The following CFAP97D2 variants were observed in gnomAD, a reference collection of about 807,000 sequenced individuals.
CFAP97D2 encodes the protein uncharacterized protein CFAP97D2.
rs562111022 is a variant in CFAP97D2 at position 114,207,644 on chromosome 13, C to T, written c.291-4268C>T. On this transcript the variant is annotated intron_variant, in intron 3 of 4. Coordinates refer to ENST00000646158, the Ensembl canonical transcript of CFAP97D2. The surrounding 1 kb of genome is among the most constrained non-coding windows in gnomAD (Gnocchi z 4.9). Reference sequence around the variant, plus strand: ...GAATACAGATGAAGCTTCGCTCCCTCGCCTGCTGCTCACCTCCTGCTGTTT... The same window carrying T: ...GAATACAGATGAAGCTTCGCTCCCTTGCCTGCTGCTCACCTCCTGCTGTTT... Among the ~76,000 whole-genome samples the T allele has an allele frequency of 1.5e-4, 23 of 152,334 alleles. No homozygotes were observed. In the East Asian group the frequency reaches 2.1e-3, roughly 14 times the overall value.
At chr13:114,179,293 CCT>C, upstream of CFAP97D2, 1 of 398,690 alleles carries the variant, frequency 2.5e-6, no homozygotes, top group Non-Finnish European at 4.4e-6. The surrounding 1 kb of genome is among the most constrained non-coding windows in gnomAD (Gnocchi z 4.8). Flanking sequence ...CCCAGCTGCT[CCT>C]CTGTCTGGAA....
At chr13:114,220,647 A>C (rs1204989157) in intron 4 of CFAP97D2, among the ~76,000 whole-genome samples, 2 of 152,248 alleles carry the variant, frequency 1.3e-5, no homozygotes, top group African/African-American at 4.8e-5. Context: ...GGAAGTATGC[A>C]TTGCTCTAAT....
At chr13:114,201,976 G>A (rs1359678866) in intron 3 of CFAP97D2, among the ~76,000 whole-genome samples, 1 of 152,208 alleles carries the variant, frequency 6.6e-6, no homozygotes, top group African/African-American at 2.4e-5. Context: ...CCCCAGTCAA[G>A]ACAGTAAACA....
Position 114,189,613 on chromosome 13 carries a change from T to A in CFAP97D2, c.91-6783T>A, listed in dbSNP as rs117038844. On this transcript the variant is annotated intron_variant, in intron 1 of 4. Transcript: ENST00000646158. This position sits in a 1 kb window ranked among gnomAD's most constrained non-coding sequence, Gnocchi z 4.5. ...AATTCGATTAAAAGTGTATAAAAAGTATTATATGCCATGACCAAGTGGGAT... is the reference window on the plus strand; with the variant it reads ...AATTCGATTAAAAGTGTATAAAAAGAATTATATGCCATGACCAAGTGGGAT... 0.012 allele frequency among the ~76,000 whole-genome samples: 1,767 copies of A among 152,192 alleles called. 97 individuals are homozygous for A. Among genetic ancestry groups the A allele is most frequent in the Admixed American group, 0.081 (1,245 of 15,280 alleles).
rs1015061806 is a variant in CFAP97D2, at chr13:114,211,655, T to C, written c.291-257T>C. Among the ~76,000 whole-genome samples the C allele has an allele frequency of 2.0e-5, 3 of 152,146 alleles. No individual in the cohort carries two copies. Among genetic ancestry groups the C allele is most frequent in the African/African-American group, 4.8e-5 (2 of 41,426 alleles). ...GGGAGACTTCCCCGCTGTGCCCCAT[T>C]GTGCTCACCCTGAAAACGCCCCTCC... On this transcript the variant is annotated intron_variant, in intron 3 of 4. Transcript: ENST00000646158. This position sits in a 1 kb window ranked among gnomAD's most constrained non-coding sequence, Gnocchi z 4.2.
chr13:114,212,879 A>G (rs1315734432), intron 4 of CFAP97D2, among the ~76,000 whole-genome samples: 5 of 152,218 alleles, frequency 3.3e-5, no homozygotes, highest in Non-Finnish European at 5.9e-5. Context: ...AATTAAAAAG[A>G]AAAGGAAAAA....
chr13:114,210,855 TAC>T (rs34230424), intron 3 of CFAP97D2, among the ~76,000 whole-genome samples: 9,859 of 144,618 alleles, frequency 0.068, 865 homozygotes, highest in African/African-American at 0.21. Flanking sequence ...ATTTCATTGA[TAC>T]ACACACACAC....
chr13:114,222,251 T>G lies in CFAP97D2; in HGVS notation c.481-247T>G, dbSNP rs144551763. On this transcript the variant is annotated intron_variant, in intron 4 of 4. Coordinates refer to ENST00000646158, the Ensembl canonical transcript of CFAP97D2. This position sits in a 1 kb window ranked among gnomAD's most constrained non-coding sequence, Gnocchi z 4.4. Reference sequence around the variant, plus strand: ...GTTTGATTTTTGGAGGGGGAGGTGATGAAGATGTTCTGAAATTATATTGTG... The same window carrying G: ...GTTTGATTTTTGGAGGGGGAGGTGAGGAAGATGTTCTGAAATTATATTGTG... Among the ~76,000 whole-genome samples the G allele has an allele frequency of 1.9e-3, 288 of 152,236 alleles. No homozygotes were observed. Among genetic ancestry groups the G allele is most frequent in the Middle Eastern group, 0.01 (3 of 294 alleles).
At chr13:114,196,265 C>A in intron 1 of CFAP97D2, 131 bp from the exon 2 acceptor site, 1 of 397,060 alleles carries the variant, frequency 2.5e-6, no homozygotes, top group South Asian at 1.4e-4. Flanking sequence ...TAAGCACGAG[C>A]CTCTTTCAGA....
rs2080966929 is a variant in CFAP97D2, at chr13:114,211,672, C to T, written c.291-240C>T. Among the ~76,000 whole-genome samples, 1 of 152,210 alleles carries T rather than the reference C, an allele frequency of 6.6e-6. No homozygotes were observed. The highest frequency in any genetic ancestry group is 2.1e-4 in the South Asian group (1 of 4,832). ...TGCCCCATTGTGCTCACCCTGAAAA[C>T]GCCCCTCCCGCCGTGCAAAGCGAGC... On this transcript the variant is annotated intron_variant, in intron 3 of 4. Transcript: ENST00000646158. This position sits in a 1 kb window ranked among gnomAD's most constrained non-coding sequence, Gnocchi z 4.2.
rs1024940119 is a variant in CFAP97D2 at position 114,222,476 on chromosome 13, C to G, written c.481-22C>G. 16 of 398,554 alleles carry G rather than the reference C, an allele frequency of 4.0e-5. 1 individual carries two copies. The highest frequency in any genetic ancestry group is 3.3e-4 in the African/African-American group (16 of 48,726). The allele number at this position is 398,554 out of a possible 1,614,324, so 24.7% of individuals were successfully genotyped here. On this transcript the variant is annotated intron_variant, in intron 4 of 4. Transcript: ENST00000646158. The surrounding 1 kb of genome is among the most constrained non-coding windows in gnomAD (Gnocchi z 4.4). ...TTCTTGCCTAAGAAAGCGTTAGTTT[C>G]AAATATGTATTTTAAATCCAGCAGG...
At chr13:114,184,806 A>G (rs1345707477) in intron 1 of CFAP97D2, among the ~76,000 whole-genome samples, 1 of 152,260 alleles carries the variant, frequency 6.6e-6, no homozygotes, top group East Asian at 1.9e-4. Flanking sequence ...GAGCAGGAAT[A>G]AGCAACAGTA....
chr13:114,183,307 C>T (rs1261205689), intron 1 of CFAP97D2, among the ~76,000 whole-genome samples: 1 of 152,146 alleles, frequency 6.6e-6, no homozygotes, highest in Non-Finnish European at 1.5e-5. Context: ...GCTGTGATTA[C>T]AGTCGCGTGC....
chr13:114,213,487 A>G (rs1396865706), intron 4 of CFAP97D2, among the ~76,000 whole-genome samples: 16 of 138,686 alleles, frequency 1.2e-4, no homozygotes, highest in East Asian at 2.4e-4. Flanking sequence ...CCAGGACCAC[A>G]GACCCCACCC....
intron 1 of CFAP97D2, among the ~76,000 whole-genome samples, chr13:114,193,932 A>G (rs2080877542): frequency 6.6e-6 from 1 of 152,344 alleles, no homozygotes; most frequent in Middle Eastern, 3.4e-3. Context: ...GCACCTTGCC[A>G]AAGTTAATAC....
intron 4 of CFAP97D2, among the ~76,000 whole-genome samples, chr13:114,212,440 G>A (rs965387595): frequency 1.3e-5 from 2 of 152,174 alleles, no homozygotes; most frequent in African/African-American, 2.4e-5. Flanking sequence ...TTGGCCAGGC[G>A]CAGTGGCTCA....
chr13:114,206,038 G>T (rs1173444983), intron 3 of CFAP97D2, among the ~76,000 whole-genome samples: 1 of 152,132 alleles, frequency 6.6e-6, no homozygotes, highest in African/African-American at 2.4e-5. Context: ...GAACAGCAGG[G>T]AAAGAGCAGG....
intron 3 of CFAP97D2, among the ~76,000 whole-genome samples, chr13:114,201,737 A>C (rs765950851): frequency 7.2e-5 from 11 of 152,242 alleles, no homozygotes; most frequent in Non-Finnish European, 1.6e-4. Context: ...GGGGAGTCTC[A>C]GCTGCTTCTG....
intron 1 of CFAP97D2, among the ~76,000 whole-genome samples, chr13:114,183,673 C>T (rs2080845205): frequency 6.6e-6 from 1 of 152,034 alleles, no homozygotes. Context: ...ATGGAAGGCC[C>T]AGGCAGCTCT....
Sources: allele counts gnomAD v4.1 joint callset (sites outside exome capture counted in the v4.1 genomes callset), GRCh38; gene constraint gnomAD v4.1.1; non-coding constraint Gnocchi (gnomAD v3.1); transcripts MANE v1.5; gene names NCBI Gene and HGNC (gene_info 2026-07-23, HGNC 2026-07-21).